The following DAPK2 variants were observed in gnomAD, a reference collection of about 807,000 sequenced individuals.
DAPK2 encodes death-associated protein kinase 2.
A neutral mutation model predicts 44.1 loss-of-function variants in DAPK2; 35 were observed. That is an observed-to-expected ratio of 0.79 (90% CI 0.61 to 1.05). The LOEUF (loss-of-function observed/expected upper bound fraction) is 1.05, where lower values mean the gene tolerates loss of function less well. Ranked by LOEUF, DAPK2 falls within the 50% of genes least tolerant of loss-of-function variation. The probability of loss-of-function intolerance (pLI) is 0.00; values close to 1 mark genes in which losing one functional copy is unlikely to be tolerated. For synonymous variants in DAPK2, 174 were observed against 182.6 expected (o/e 0.95, Z 0.38); for missense variants, 453 against 483.2 (o/e 0.94, Z 0.59).
At chr15:63,911,914 C>T in exon 10 of DAPK2, 1 of 1,613,466 alleles carries the variant, frequency 6.2e-7, no homozygotes. Flanking sequence ...CCACCAGGTC[C>T]TCATCCGGCC....
At position 63,971,333 on chromosome 15, in the gene DAPK2, C is replaced by T. The variant is rs6494457; in HGVS notation, c.453+90G>A. 1.4e-5 allele frequency: 20 copies of T among 1,465,740 alleles called. No individual in the cohort carries two copies. In the East Asian group the frequency reaches 1.4e-4, roughly 10 times the overall value. The allele number at this position is 1,465,740 out of a possible 1,614,324, so 90.8% of individuals were successfully genotyped here. ...TGTAAGATGAGAAAGAAGGGCTGGT[C>T]GGCACTGGGCCCATCCTGGGAAAGA... On this transcript the variant is annotated intron_variant, in intron 3 of 10. Transcript: ENST00000261891.
chr15:63,917,145 C>G lies in DAPK2; in HGVS notation c.859-4948G>C, dbSNP rs1207092278. 6.6e-6 allele frequency: 1 copy of G among 152,196 alleles called. No homozygotes were observed. Among genetic ancestry groups the G allele is most frequent in the Non-Finnish European group, 1.5e-5 (1 of 68,078 alleles). The allele number at this position is 152,196 out of a possible 1,614,324, so 9.4% of individuals were successfully genotyped here. On this transcript the variant is annotated intron_variant, in intron 8 of 10. Transcript: ENST00000261891. The surrounding 1 kb of genome is among the most constrained non-coding windows in gnomAD (Gnocchi z 4.4). ...CGGGAGGCCGAGGCAGGCAGATCAC[C>G]TGAGGTCAGGAGTTCAAGACTAGCC...
chr15:63,944,786 C>T (rs140357335), intron 3 of DAPK2, among the ~76,000 whole-genome samples: 7 of 152,266 alleles, frequency 4.6e-5, no homozygotes, highest in African/African-American at 7.2e-5. Context: ...CACTGGCCAC[C>T]GGAGAAAGTC....
chr15:63,997,313 T>G (rs2078975567), intron 1 of DAPK2, among the ~76,000 whole-genome samples: 1 of 152,224 alleles, frequency 6.6e-6, no homozygotes, highest in Admixed American at 6.5e-5. Flanking sequence ...GTCCTTTGTC[T>G]ACCCCAGCTG....
At chr15:63,949,883 G>A (rs2077542753) in intron 3 of DAPK2, among the ~76,000 whole-genome samples, 1 of 152,218 alleles carries the variant, frequency 6.6e-6, no homozygotes, top group Non-Finnish European at 1.5e-5. Context: ...AATGTTGAAT[G>A]TAAGGAGAGG....
At chr15:63,969,720 A>G (rs898241781) in intron 3 of DAPK2, among the ~76,000 whole-genome samples, 6 of 149,386 alleles carry the variant, frequency 4.0e-5, no homozygotes, top group Admixed American at 6.7e-5. Context: ...CAGTTGGGTG[A>G]CAGAGCGAGA....
chr15:63,924,770 A>G, intron 8 of DAPK2, 46 bp downstream of exon 9: 1 of 1,609,736 alleles, frequency 6.2e-7, no homozygotes, highest in Non-Finnish European at 8.5e-7. Flanking sequence ...CCCTGGCGAC[A>G]GAGCAGGGAC....
At chr15:63,911,764 C>T (rs1007439444) in intron 10 of DAPK2, 144 bp downstream of exon 11, 20 of 817,804 alleles carry the variant, frequency 2.4e-5, no homozygotes, top group Non-Finnish European at 3.4e-5. Context: ...CTTCAGCCTT[C>T]AGGGAAGAGG....
intron 2 of DAPK2, among the ~76,000 whole-genome samples, chr15:63,973,362 A>C (rs2078263976): frequency 6.6e-6 from 1 of 152,228 alleles, no homozygotes; most frequent in African/African-American, 2.4e-5. Context: ...TCAAAGCTGC[A>C]GGGGCAAGAC....
chr15:63,981,504 T>A (rs181760319), intron 2 of DAPK2, among the ~76,000 whole-genome samples: 2 of 152,354 alleles, frequency 1.3e-5, no homozygotes, highest in Non-Finnish European at 2.9e-5. Context: ...TTTAGAATTA[T>A]GTTAATTGGG....
intron 8 of DAPK2, chr15:63,920,833 C>A (rs2079052078): frequency 6.6e-6 from 1 of 152,466 alleles, no homozygotes; most frequent in Admixed American, 6.5e-5. Context: ...TCTCTCCCCT[C>A]CAGCTTTCAG....
intron 3 of DAPK2, among the ~76,000 whole-genome samples, chr15:63,967,013 A>T (rs2078072709): frequency 6.6e-6 from 1 of 152,016 alleles, no homozygotes; most frequent in East Asian, 1.9e-4. Context: ...CCCCGTCTCT[A>T]CTAAAAATAC....
intron 2 of DAPK2, among the ~76,000 whole-genome samples, chr15:63,977,632 G>T (rs2078390163): frequency 6.6e-6 from 1 of 152,160 alleles, no homozygotes; most frequent in African/African-American, 2.4e-5. Flanking sequence ...TCATCATCAG[G>T]GGTGGCAGTG....
intron 3 of DAPK2, among the ~76,000 whole-genome samples, chr15:63,962,816 G>C (rs149656168): frequency 0.028 from 4,288 of 152,314 alleles, 206 homozygotes; most frequent in African/African-American, 0.094. Context: ...ACTTGAGGAG[G>C]CAGTCTGTCC....
chr15:63,965,922 G>A (rs955656928), intron 3 of DAPK2, among the ~76,000 whole-genome samples: 9 of 152,290 alleles, frequency 5.9e-5, no homozygotes, highest in Admixed American at 3.9e-4. Flanking sequence ...TTGGAAACCC[G>A]AAGAGCCCAC....
chr15:64,030,200 A>C (rs1472396440), intron 1 of DAPK2, among the ~76,000 whole-genome samples: 1 of 152,170 alleles, frequency 6.6e-6, no homozygotes, highest in Non-Finnish European at 1.5e-5. Context: ...AGGCAGGAGA[A>C]TCGCTTGAAC....
chr15:64,015,267 G>A (rs1028037927), intron 1 of DAPK2, among the ~76,000 whole-genome samples: 2 of 152,120 alleles, frequency 1.3e-5, no homozygotes, highest in Non-Finnish European at 2.9e-5. Flanking sequence ...CATGTTCGAG[G>A]TGGGAATTAC....
At chr15:64,011,788 T>A (rs1166050822) in intron 1 of DAPK2, among the ~76,000 whole-genome samples, 1 of 152,214 alleles carries the variant, frequency 6.6e-6, no homozygotes. Context: ...CTAACTGAAT[T>A]CATGAAATGC....
At chr15:64,007,798 C>G (rs1180025720) in intron 1 of DAPK2, among the ~76,000 whole-genome samples, 1 of 152,070 alleles carries the variant, frequency 6.6e-6, no homozygotes, top group Non-Finnish European at 1.5e-5. Flanking sequence ...AATAGATGAA[C>G]AAAAGGTGGT....
Sources: allele counts gnomAD v4.1 joint callset (sites outside exome capture counted in the v4.1 genomes callset), GRCh38; gene constraint gnomAD v4.1.1; non-coding constraint Gnocchi (gnomAD v3.1); transcripts MANE v1.5; gene names NCBI Gene and HGNC (gene_info 2026-07-23, HGNC 2026-07-21).